DUSP13B: variants seen among roughly 807,000 people sequenced by gnomAD.
The protein encoded by DUSP13B is dual specificity phosphatase 13B.
chr10:75,102,693 C>T, the DUSP13B span, among the ~76,000 whole-genome samples: 1 of 152,134 alleles, frequency 6.6e-6, no homozygotes, highest in Non-Finnish European at 1.5e-5. Flanking sequence ...TGGCTCATGC[C>T]TGTAATCCTA....
chr10:75,103,837 T>C, the DUSP13B span: 1 of 1,230,032 alleles, frequency 8.1e-7, no homozygotes, highest in Non-Finnish European at 1.1e-6. Context: ...CCCAGGGAAC[T>C]TGGGGTCCCT....
At chr10:75,102,386 T>C in the DUSP13B span, among the ~76,000 whole-genome samples, 1 of 151,668 alleles carries the variant, frequency 6.6e-6, no homozygotes, top group African/African-American at 2.4e-5. Context: ...GAGCTTGCAG[T>C]GAGCCGAGAT....
chr10:75,105,681 G>A, the DUSP13B span: 27,334 of 1,549,080 alleles, frequency 0.018, 294 homozygotes, highest in Non-Finnish European at 0.022. Context: ...AGCTCTGGCC[G>A]GCACCCCGCA....
the DUSP13B span, chr10:75,108,963 C>G: frequency 6.4e-7 from 1 of 1,551,242 alleles, no homozygotes; most frequent in East Asian, 2.4e-5. Context: ...CAAGAACTGC[C>G]TCTCCACGTC....
At chr10:75,101,921 C>T in the DUSP13B span, 1 of 1,367,750 alleles carries the variant, frequency 7.3e-7, no homozygotes, top group South Asian at 1.1e-5. Context: ...GTTCGTGCTG[C>T]TGGCTTTCAG....
At chr10:75,104,288 G>A in the DUSP13B span, among the ~76,000 whole-genome samples, 3 of 152,192 alleles carry the variant, frequency 2.0e-5, no homozygotes, top group Non-Finnish European at 4.4e-5. Flanking sequence ...TAGGGACAGA[G>A]ATGACCTCTC....
chr10:75,101,842 C>T, the DUSP13B span: 2 of 1,360,318 alleles, frequency 1.5e-6, no homozygotes, highest in Non-Finnish European at 2.0e-6. Context: ...ATCCTACCCC[C>T]CCCAAATTAG....
the DUSP13B span, among the ~76,000 whole-genome samples, chr10:75,108,456 C>G: frequency 6.6e-6 from 1 of 152,158 alleles, no homozygotes; most frequent in African/African-American, 2.4e-5. Flanking sequence ...TGCATCTGTC[C>G]CTGCCTTGGC....
chr10:75,094,727 C>A, the DUSP13B span: 3 of 1,614,160 alleles, frequency 1.9e-6, no homozygotes, highest in Non-Finnish European at 2.5e-6. Flanking sequence ...CCTGGAGCTG[C>A]CGGAGGAAGC....
chr10:75,095,820 A>G, the DUSP13B span: 4 of 1,607,092 alleles, frequency 2.5e-6, no homozygotes, highest in Middle Eastern at 3.4e-4. Context: ...ACAAGGGGTT[A>G]GGAGAGTGGA....
chr10:75,105,807 G>A, the DUSP13B span: 1 of 1,551,042 alleles, frequency 6.4e-7, no homozygotes, highest in East Asian at 2.4e-5. Flanking sequence ...GCAGCATGAG[G>A]TAGGCCAGGA....
the DUSP13B span, among the ~76,000 whole-genome samples, chr10:75,102,574 G>A: frequency 1.3e-5 from 2 of 152,250 alleles, no homozygotes; most frequent in Non-Finnish European, 2.9e-5. Context: ...TTGGGAGGCT[G>A]AGGTGGGAGG....
chr10:75,100,065 G>T, the DUSP13B span, among the ~76,000 whole-genome samples: 50 of 152,252 alleles, frequency 3.3e-4, no homozygotes, highest in Middle Eastern at 6.8e-3. Context: ...GCTTTGGGAA[G>T]TGGGACAGGC....
the DUSP13B span, chr10:75,097,811 G>A: frequency 7.4e-6 from 12 of 1,613,888 alleles, no homozygotes; most frequent in Admixed American, 1.7e-5. Context: ...CAATGTGGGC[G>A]GCTGGTAGGG....
the DUSP13B span, among the ~76,000 whole-genome samples, chr10:75,104,372 A>G: frequency 6.6e-6 from 1 of 152,290 alleles, no homozygotes; most frequent in Admixed American, 6.5e-5. Flanking sequence ...TGCACACTGC[A>G]TAACTCCTGG....
At chr10:75,097,157 C>T in the DUSP13B span, among the ~76,000 whole-genome samples, 3 of 152,046 alleles carry the variant, frequency 2.0e-5, no homozygotes. Context: ...CCTTTTTCTT[C>T]ACTGGGTGAT....
At chr10:75,107,717 T>C in the DUSP13B span, among the ~76,000 whole-genome samples, 2 of 152,128 alleles carry the variant, frequency 1.3e-5, no homozygotes, top group African/African-American at 4.8e-5. Flanking sequence ...GCTGAGATTA[T>C]AGGTGGGTGC....
the DUSP13B span, chr10:75,095,560 G>T: frequency 6.2e-7 from 1 of 1,610,642 alleles, no homozygotes; most frequent in South Asian, 1.1e-5. Context: ...CACCATGCCT[G>T]ATCCAGAAGT....
the DUSP13B span, among the ~76,000 whole-genome samples, chr10:75,103,262 C>G: frequency 4.6e-5 from 7 of 152,226 alleles, no homozygotes; most frequent in Non-Finnish European, 8.8e-5. Context: ...GTCCGGGGCC[C>G]TCAGTTAGGG....
Sources: gnomAD v4.1 joint callset for allele counts (sites outside exome capture counted in the v4.1 genomes callset) on GRCh38, gnomAD v4.1.1 for gene constraint, MANE v1.5 for transcripts, NCBI Gene and HGNC (gene_info 2026-07-23, HGNC 2026-07-21) for gene names.